Variants in ARHGAP24 observed in about 807,000 individuals in gnomAD.
ARHGAP24 encodes Rho GTPase activating protein 24, also known as rho GTPase-activating protein 24.
In ARHGAP24, 50 loss-of-function variants were observed where a neutral mutation model predicts 76.4. That is an observed-to-expected ratio of 0.65 (90% CI 0.52 to 0.83). The LOEUF (loss-of-function observed/expected upper bound fraction) is 0.83, where lower values mean the gene tolerates loss of function less well. Ranked by LOEUF, ARHGAP24 falls within the 40% of genes least tolerant of loss-of-function variation. ARHGAP24 has a pLI of 0.00. For synonymous variants in ARHGAP24, 345 were observed against 323.3 expected (o/e 1.07, Z -0.72); for missense variants, 930 against 914.2 (o/e 1.02, Z -0.22).
rs1469007242 is a variant in ARHGAP24, at chr4:85,564,929, T to TAC, written c.-20-5592_-20-5591insCA. On this transcript the variant is annotated intron_variant, in intron 1 of 9. Coordinates refer to ENST00000395184, the MANE Select transcript of ARHGAP24 (RefSeq NM_001025616.3). ...CTCTAGGCAGAACACACACGGTATA[T>TAC]ATATATATATATATATATATATATA... 3.2e-3 allele frequency among the ~76,000 whole-genome samples: 137 copies of TAC among 43,072 alleles called. 1 individual carries two copies. Among genetic ancestry groups the TAC allele is most frequent in the South Asian group, 0.019 (31 of 1,668 alleles). The allele number at this position is 43,072 out of a possible 152,430, so 28.3% of individuals were successfully genotyped here. A position where few individuals can be genotyped will look rare whatever the true frequency, so the allele number is the denominator to read the frequency against.
At chr4:85,882,050 G>A (rs1733283692) in intron 3 of ARHGAP24, among the ~76,000 whole-genome samples, 1 of 151,948 alleles carries the variant, frequency 6.6e-6, no homozygotes, top group South Asian at 2.1e-4. Flanking sequence ...ATTTGATGGG[G>A]GAAATAAAAA....
chr4:85,500,745 C>T (rs976360437), intron 1 of ARHGAP24, among the ~76,000 whole-genome samples: 1 of 151,994 alleles, frequency 6.6e-6, no homozygotes, highest in African/African-American at 2.4e-5. Context: ...ACTTTAAGTT[C>T]TAGGGTACAT....
At chr4:85,579,453 T>G (rs1727515788) in intron 2 of ARHGAP24, among the ~76,000 whole-genome samples, 1 of 151,878 alleles carries the variant, frequency 6.6e-6, no homozygotes, top group African/African-American at 2.4e-5. Context: ...CCTTGATATA[T>G]TAAATATTTC....
chr4:85,924,931 T>G (rs774317453), intron 4 of ARHGAP24, among the ~76,000 whole-genome samples: 23 of 152,214 alleles, frequency 1.5e-4, no homozygotes, highest in Admixed American at 4.6e-4. Context: ...CCAGGCTAAT[T>G]ACTGTTTGTG....
At chr4:85,665,554 A>T (rs1722579791) in intron 2 of ARHGAP24, among the ~76,000 whole-genome samples, 1 of 152,166 alleles carries the variant, frequency 6.6e-6, no homozygotes, top group Admixed American at 6.5e-5. Context: ...TGATCCTGTC[A>T]TTATGATGTT....
At chr4:85,478,975 G>T (rs1352715724) in intron 1 of ARHGAP24, among the ~76,000 whole-genome samples, 1 of 152,106 alleles carries the variant, frequency 6.6e-6, no homozygotes, top group African/African-American at 2.4e-5. Context: ...TGGTGGTGGG[G>T]GAGCCACCTG....
At chr4:85,550,126 G>C (rs181481791) in intron 1 of ARHGAP24, among the ~76,000 whole-genome samples, 426 of 152,218 alleles carry the variant, frequency 2.8e-3, no homozygotes, top group African/African-American at 9.7e-3. Context: ...CTCAATAATG[G>C]GATTGCTGTA....
chr4:85,732,994 G>T (rs185892340), intron 3 of ARHGAP24, among the ~76,000 whole-genome samples: 2 of 142,166 alleles, frequency 1.4e-5, no homozygotes, highest in African/African-American at 5.2e-5. Context: ...CACCGCGCCC[G>T]ACCTCAAACT....
At chr4:85,840,017 C>CTTTTTTTTT (rs70948759) in intron 3 of ARHGAP24, among the ~76,000 whole-genome samples, 160 of 116,018 alleles carry the variant, frequency 1.4e-3, no homozygotes, top group Non-Finnish European at 1.7e-3. Flanking sequence ...GCCTGGCTAA[C>CTTTTTTTTT]TTTTTTTTTT....
intron 3 of ARHGAP24, among the ~76,000 whole-genome samples, chr4:85,744,624 CT>C (rs1207894706): frequency 6.6e-6 from 1 of 152,124 alleles, no homozygotes; most frequent in Non-Finnish European, 1.5e-5. Context: ...GAGGTCTCTC[CT>C]AAACCCTCCA....
At chr4:85,662,949 C>G (rs941413450) in intron 2 of ARHGAP24, among the ~76,000 whole-genome samples, 7 of 150,404 alleles carry the variant, frequency 4.7e-5, no homozygotes, top group African/African-American at 1.0e-4. Context: ...AGTCAGGTAG[C>G]GTGATGCCTC....
rs1035803679 is a variant in ARHGAP24, at chr4:86,000,863, C to T, written c.*141C>T. ...AGGAATATCATTTACAGACATTAAACATCCATATCTGCAATGTGTACCAAA... is the reference window on the plus strand; with the variant it reads ...AGGAATATCATTTACAGACATTAAATATCCATATCTGCAATGTGTACCAAA... On this transcript the variant is annotated 3_prime_UTR_variant, in exon 10 of 10. Coordinates refer to ENST00000395184, the MANE Select transcript of ARHGAP24 (RefSeq NM_001025616.3). 3.2e-6 allele frequency: 4 copies of T among 1,256,216 alleles called. No individual in the cohort carries two copies. Among genetic ancestry groups the T allele is most frequent in the Non-Finnish European group, 4.5e-6 (4 of 897,712 alleles). 77.8% of individuals were successfully genotyped at this position (1,256,216 alleles called of 1,614,324 possible). A position where few individuals can be genotyped will look rare whatever the true frequency, so the allele number is the denominator to read the frequency against.
At chr4:85,845,977 C>T (rs1730862786) in intron 3 of ARHGAP24, among the ~76,000 whole-genome samples, 1 of 151,964 alleles carries the variant, frequency 6.6e-6, no homozygotes, top group Non-Finnish European at 1.5e-5. Context: ...GCGATCTCGG[C>T]TCACTGCAAC....
intron 3 of ARHGAP24, among the ~76,000 whole-genome samples, chr4:85,816,411 T>C (rs765269032): frequency 2.9e-4 from 44 of 152,226 alleles, no homozygotes; most frequent in Non-Finnish European, 2.4e-4. Flanking sequence ...TTTCTGTGCC[T>C]GGCTTATTTT....
At chr4:85,694,696 C>A (rs1044999741) in intron 2 of ARHGAP24, among the ~76,000 whole-genome samples, 1 of 152,184 alleles carries the variant, frequency 6.6e-6, no homozygotes, top group African/African-American at 2.4e-5. Context: ...TTTTACATAA[C>A]AGATATATAC....
chr4:85,515,610 A>G (rs1029049124), intron 1 of ARHGAP24, among the ~76,000 whole-genome samples: 1 of 152,030 alleles, frequency 6.6e-6, no homozygotes, highest in African/African-American at 2.4e-5. Flanking sequence ...AGCTGTTTCC[A>G]GAACTCTTCC....
At chr4:85,958,982 G>T (rs184079228) in intron 5 of ARHGAP24, among the ~76,000 whole-genome samples, 31 of 152,142 alleles carry the variant, frequency 2.0e-4, no homozygotes, top group African/African-American at 7.2e-4. Flanking sequence ...TGGGAAAAGG[G>T]TCCAGAGGGT....
chr4:85,878,929 T>C (rs2601851), intron 3 of ARHGAP24, among the ~76,000 whole-genome samples: 33,527 of 152,160 alleles, frequency 0.22, 4,673 homozygotes, highest in Non-Finnish European at 0.32. Context: ...TTTGAAGGAA[T>C]TGTATAAAAA....
At chr4:85,679,016 A>G (rs553744895) in intron 2 of ARHGAP24, among the ~76,000 whole-genome samples, 1 of 152,346 alleles carries the variant, frequency 6.6e-6, no homozygotes, top group East Asian at 1.9e-4. Context: ...CGCAGGAGTC[A>G]CGCAAAATAT....
Sources: allele counts gnomAD v4.1 joint callset (sites outside exome capture counted in the v4.1 genomes callset), GRCh38; gene constraint gnomAD v4.1.1; transcripts MANE v1.5; gene names NCBI Gene and HGNC (gene_info 2026-07-23, HGNC 2026-07-21).